The following BMPER variants were observed in gnomAD, a reference collection of about 807,000 sequenced individuals.
BMPER encodes BMP-binding endothelial regulator protein.
In BMPER, 45 loss-of-function variants were observed where a neutral mutation model predicts 87.3. The ratio of observed to expected loss-of-function variants is 0.52; its 90% confidence interval spans 0.41 to 0.66. The LOEUF (loss-of-function observed/expected upper bound fraction) is 0.66, where lower values mean the gene tolerates loss of function less well. Among genes scored for constraint, BMPER ranks in the 30% least tolerant of loss-of-function variants. The pLI is 0.00. For missense variants in BMPER, 784 were observed against 867.5 expected (o/e 0.90, Z 1.21); for synonymous variants, 326 against 316.2 (o/e 1.03, Z -0.33).
At chr7:33,912,920 C>G (rs1048756800) in intron 2 of BMPER, among the ~76,000 whole-genome samples, 12 of 152,220 alleles carry the variant, frequency 7.9e-5, no homozygotes, top group African/African-American at 2.9e-4. Context: ...TTCATCCCCT[C>G]TTCCATTTTA....
intron 3 of BMPER, among the ~76,000 whole-genome samples, chr7:33,963,631 T>A (rs1785328233): frequency 3.3e-5 from 5 of 151,998 alleles, no homozygotes; most frequent in Admixed American, 2.6e-4. Flanking sequence ...CTGTCTCTAC[T>A]AAAAATACAA....
At chr7:34,059,345 C>T (rs1176834513) in intron 10 of BMPER, among the ~76,000 whole-genome samples, 1 of 152,018 alleles carries the variant, frequency 6.6e-6, no homozygotes, top group Admixed American at 6.5e-5. Flanking sequence ...CACTTGAATT[C>T]TGCCACTTGT....
chr7:34,111,047 G>T (rs1789948046), intron 13 of BMPER, among the ~76,000 whole-genome samples: 1 of 152,180 alleles, frequency 6.6e-6, no homozygotes, highest in Admixed American at 6.5e-5. Context: ...AGCAAAACAA[G>T]GAAAGTAAAT....
chr7:34,079,254 G>T (rs191624010), intron 12 of BMPER, 68 bp downstream of exon 12: 28 of 1,586,640 alleles, frequency 1.8e-5, no homozygotes, highest in Non-Finnish European at 2.0e-5. Context: ...AGCACTGCTC[G>T]GTTAGAGCAC....
At chr7:33,971,023 G>A (rs936551245) in intron 5 of BMPER, among the ~76,000 whole-genome samples, 1 of 152,130 alleles carries the variant, frequency 6.6e-6, no homozygotes, top group Non-Finnish European at 1.5e-5. Flanking sequence ...TTACATACAA[G>A]CCTGGGGCTT....
At chr7:33,923,656 C>A (rs1314134858) in intron 2 of BMPER, among the ~76,000 whole-genome samples, 1 of 152,194 alleles carries the variant, frequency 6.6e-6, no homozygotes, top group Non-Finnish European at 1.5e-5. Flanking sequence ...TAGAAGGTGA[C>A]CTCTGGTGGT....
At position 34,017,296 on chromosome 7, in the gene BMPER, TG is replaced by T. The variant is rs200451814; in HGVS notation, c.577-29007del. Among the ~76,000 whole-genome samples, 1,142 of 151,924 alleles carry T rather than the reference TG, an allele frequency of 7.5e-3. 14 individuals carry two copies. Among genetic ancestry groups the T allele is most frequent in the African/African-American group, 0.023 (966 of 41,488 alleles). On this transcript the variant is annotated intron_variant, in intron 6 of 14. Coordinates refer to ENST00000649409, the MANE Select transcript of BMPER (RefSeq NM_001365308.1). Reference sequence around the variant, plus strand: ...ATGCTAATAAAGACACACCCGAGACTGGGTAATTTATAAAGGAAAGAGGTTT... The same window carrying T: ...ATGCTAATAAAGACACACCCGAGACTGGTAATTTATAAAGGAAAGAGGTTT...
At chr7:33,956,039 CA>C (rs60936107) in intron 3 of BMPER, among the ~76,000 whole-genome samples, 6,237 of 140,310 alleles carry the variant, frequency 0.044, 409 homozygotes, top group African/African-American at 0.15. Flanking sequence ...CAAAAAACCA[CA>C]AAAAAAAAAA....
At position 33,959,833 on chromosome 7, in the gene BMPER, A is replaced by T. The variant is rs140359107; in HGVS notation, c.320-6646A>T. Among the ~76,000 whole-genome samples, 146 of 152,292 alleles carry T rather than the reference A, an allele frequency of 9.6e-4. No individual in the cohort carries two copies. In the East Asian group the frequency reaches 0.022, roughly 23 times the overall value. On this transcript the variant is annotated intron_variant, in intron 3 of 14. Coordinates refer to ENST00000649409, the MANE Select transcript of BMPER (RefSeq NM_001365308.1). The stretch of plus-strand genomic sequence containing the variant: ...TATAAAGTTATGCGACTGAGCCACA[A>T]TTTCATCACTTTACAGTCTCCAACA...
At chr7:33,945,190 C>T (rs1784861369) in intron 3 of BMPER, among the ~76,000 whole-genome samples, 1 of 151,604 alleles carries the variant, frequency 6.6e-6, no homozygotes, top group South Asian at 2.1e-4. Context: ...ATCCGCCCGC[C>T]TTGGCCTCCC....
intron 6 of BMPER, among the ~76,000 whole-genome samples, chr7:34,016,845 A>AATAC (rs1787039177): frequency 6.6e-6 from 1 of 151,954 alleles, no homozygotes; most frequent in East Asian, 1.9e-4. Context: ...TTTATTGTTT[A>AATAC]ATACACATTT....
At chr7:34,112,160 T>G (rs1413473351) in intron 13 of BMPER, among the ~76,000 whole-genome samples, 1 of 152,094 alleles carries the variant, frequency 6.6e-6, no homozygotes, top group Non-Finnish European at 1.5e-5. Context: ...CTCAAAAATG[T>G]GTTACACATG....
intron 13 of BMPER, among the ~76,000 whole-genome samples, chr7:34,101,717 A>G (rs1326156485): frequency 6.6e-6 from 1 of 152,090 alleles, no homozygotes; most frequent in Non-Finnish European, 1.5e-5. Context: ...GGGAACTGTG[A>G]CCGACTTCCT....
At chr7:33,976,298 G>A (rs1321812905) in intron 6 of BMPER, among the ~76,000 whole-genome samples, 1 of 151,974 alleles carries the variant, frequency 6.6e-6, no homozygotes, top group African/African-American at 2.4e-5. Flanking sequence ...GATTACAGGT[G>A]TGCGCCACCA....
intron 2 of BMPER, among the ~76,000 whole-genome samples, chr7:33,935,065 A>G (rs1228199253): frequency 6.6e-6 from 1 of 152,252 alleles, no homozygotes; most frequent in Admixed American, 6.5e-5. Flanking sequence ...TGTAAAAAAT[A>G]TGTCTCTTTA....
intron 11 of BMPER, among the ~76,000 whole-genome samples, chr7:34,074,212 G>T (rs1788805548): frequency 6.6e-6 from 1 of 152,208 alleles, no homozygotes; most frequent in South Asian, 2.1e-4. Context: ...ATTACAGGTT[G>T]GTGGAAAGTG....
intron 11 of BMPER, among the ~76,000 whole-genome samples, chr7:34,072,005 G>A (rs1386779218): frequency 6.6e-6 from 1 of 152,140 alleles, no homozygotes; most frequent in Non-Finnish European, 1.5e-5. Context: ...ATGCTGTGGG[G>A]AAAGGAATGG....
chr7:34,006,901 T>C (rs1786749337), intron 6 of BMPER, among the ~76,000 whole-genome samples: 1 of 152,106 alleles, frequency 6.6e-6, no homozygotes, highest in South Asian at 2.1e-4. Context: ...CAGGACAGAA[T>C]GAAGGAGATT....
At chr7:34,116,463 A>G (rs1227058054) in intron 13 of BMPER, among the ~76,000 whole-genome samples, 1 of 152,216 alleles carries the variant, frequency 6.6e-6, no homozygotes, top group East Asian at 1.9e-4. Context: ...GGTGTTTCAG[A>G]GCTCAGGGAC....
Sources: gnomAD v4.1 joint callset for allele counts (sites outside exome capture counted in the v4.1 genomes callset) on GRCh38, gnomAD v4.1.1 for gene constraint, MANE v1.5 for transcripts, NCBI Gene and HGNC (gene_info 2026-07-23, HGNC 2026-07-21) for gene names.